DNAH14: variants seen among roughly 807,000 people sequenced by gnomAD.
The protein encoded by DNAH14 is dynein axonemal heavy chain 14, also known as axonemal beta dynein heavy chain 14.
Under a neutral mutation model 520.9 loss-of-function variants are expected in DNAH14, and 478 were observed. The observed-to-expected ratio is 0.92, with a 90% CI of 0.85 to 0.99. DNAH14 has a LOEUF of 0.99. Ranked by LOEUF, DNAH14 falls within the 50% of genes least tolerant of loss-of-function variation. DNAH14 has a pLI of 0.00. For missense variants in DNAH14, 4,831 were observed against 5,234.5 expected (o/e 0.92, Z 2.38); for synonymous variants, 1,581 against 1,757.2 (o/e 0.90, Z 2.51).
At chr1:225,374,169 A>ATATATATATATATATATATATG in intron 77 of DNAH14, among the ~76,000 whole-genome samples, 1 of 87,842 alleles carries the variant, frequency 1.1e-5, no homozygotes. Flanking sequence ...ATATATATAT[A>ATATATATATATATATATATATG]TATATATATA....
In DNAH14 at chr1:225,213,612, A is replaced by G. The variant is rs548723457; in HGVS notation, c.6439+6392A>G. Among the ~76,000 whole-genome samples the G allele has an allele frequency of 2.0e-5, 3 of 152,292 alleles. No homozygotes were observed. The East Asian group carries it at 5.8e-4, about 29-fold the overall frequency. On this transcript the variant is annotated intron_variant, in intron 41 of 85. Coordinates refer to ENST00000682510, the MANE Select transcript of DNAH14 (RefSeq NM_001367479.1). The stretch of plus-strand genomic sequence containing the variant: ...CAGTGGTTTCTAATTCTCCTTGAAG[A>G]GGTCCTTCACATCCCTTGTAAGTTG...
chr1:225,364,378 CT>C (rs1304851424), intron 75 of DNAH14, among the ~76,000 whole-genome samples: 1 of 152,150 alleles, frequency 6.6e-6, no homozygotes, highest in African/African-American at 2.4e-5. Flanking sequence ...ACAGGAAGAG[CT>C]TTTCTTTCTC....
chr1:225,267,292 CTTTTT>C (rs776025994), intron 49 of DNAH14, among the ~76,000 whole-genome samples: 1 of 131,370 alleles, frequency 7.6e-6, no homozygotes. Context: ...GAATGGCTTC[CTTTTT>C]TTTTTTTTTT....
intron 26 of DNAH14, among the ~76,000 whole-genome samples, chr1:225,121,169 T>C (rs888845685): frequency 2.6e-5 from 4 of 152,256 alleles, no homozygotes; most frequent in Admixed American, 1.3e-4. Flanking sequence ...ATGGCATACA[T>C]TGTGATGTTT....
rs766082594 is a variant in DNAH14 at position 225,347,106 on chromosome 1, G to C, written c.11296+452G>C. Among the ~76,000 whole-genome samples the C allele has an allele frequency of 6.4e-4, 97 of 152,280 alleles. No individual in the cohort carries two copies. In the Middle Eastern group the frequency reaches 0.01, roughly 16 times the overall value. Reference sequence around the variant, plus strand: ...TTTTAATATGTTTATTGTCTAAACTGTGGTCAAATACATATAACAGAATTT... The same window carrying C: ...TTTTAATATGTTTATTGTCTAAACTCTGGTCAAATACATATAACAGAATTT... On this transcript the variant is annotated intron_variant, in intron 71 of 85. Coordinates refer to ENST00000682510, the MANE Select transcript of DNAH14 (RefSeq NM_001367479.1).
chr1:224,943,188 A>G (rs1248542506), intron 1 of DNAH14, among the ~76,000 whole-genome samples: 1 of 152,166 alleles, frequency 6.6e-6, no homozygotes. Context: ...AGAATGTGTT[A>G]TTGGCCTATT....
chr1:224,981,148 G>A (rs1252944063), intron 8 of DNAH14, among the ~76,000 whole-genome samples: 2 of 152,146 alleles, frequency 1.3e-5, no homozygotes, highest in Non-Finnish European at 2.9e-5. Context: ...ACTTGATCAT[G>A]GTGGATTATC....
intron 60 of DNAH14, among the ~76,000 whole-genome samples, chr1:225,316,618 C>G (rs1305771684): frequency 6.6e-6 from 1 of 152,190 alleles, no homozygotes; most frequent in Non-Finnish European, 1.5e-5. Flanking sequence ...GTTCCCTGAC[C>G]CCTTGTGCTT....
At chr1:225,196,976 T>G (rs985749351) in intron 38 of DNAH14, among the ~76,000 whole-genome samples, 1 of 152,210 alleles carries the variant, frequency 6.6e-6, no homozygotes, top group Non-Finnish European at 1.5e-5. Flanking sequence ...ATTGTGAAGA[T>G]TTTCTCCCAC....
At chr1:225,336,102 T>C (rs1318543882) in intron 66 of DNAH14, among the ~76,000 whole-genome samples, 2 of 149,244 alleles carry the variant, frequency 1.3e-5, no homozygotes, top group Non-Finnish European at 3.0e-5. Context: ...CTTATACATA[T>C]ATGTATAAGA....
At position 225,377,257 on chromosome 1, in the gene DNAH14, A is replaced by G. The variant is rs1369628010; in HGVS notation, c.12537A>G (p.Gly4179=). 7.1e-7 allele frequency: 1 copy of G among 1,412,082 alleles called. No homozygotes were observed. Among genetic ancestry groups the G allele is most frequent in the Non-Finnish European group, 9.3e-7 (1 of 1,073,604 alleles). The allele number at this position is 1,412,082 out of a possible 1,614,324, so 87.5% of individuals were successfully genotyped here. The change falls in exon 79 of 86, where the codon GGA becomes GGG. Residue 4179 remains glycine (G), a synonymous_variant. Coordinates refer to ENST00000682510, the MANE Select transcript of DNAH14 (RefSeq NM_001367479.1). The part of the protein sequence containing the change: ...SSDGICLPVP[G]SASIKDYIHI... ...TTCAGATATGTCTGCCAGTTCCAGG[A>G]TCTGCAAGCATAAAGGACTACATAC...
intron 7 of DNAH14, among the ~76,000 whole-genome samples, chr1:224,971,322 T>G (rs949067023): frequency 6.6e-6 from 1 of 152,190 alleles, no homozygotes; most frequent in African/African-American, 2.4e-5. Context: ...AATTGTTTAT[T>G]TAATATGTAA....
chr1:225,349,309 T>C (rs977972366), intron 71 of DNAH14, among the ~76,000 whole-genome samples: 1 of 151,898 alleles, frequency 6.6e-6, no homozygotes, highest in Non-Finnish European at 1.5e-5. Flanking sequence ...CTATAGAATA[T>C]GCACAAAACA....
At chr1:225,023,155 T>C (rs1006906522) in intron 10 of DNAH14, among the ~76,000 whole-genome samples, 2 of 152,090 alleles carry the variant, frequency 1.3e-5, no homozygotes, top group Non-Finnish European at 2.9e-5. Context: ...TCACTACCCA[T>C]GTGATGGGAT....
intron 1 of DNAH14, among the ~76,000 whole-genome samples, chr1:224,931,667 C>T (rs1351449213): frequency 6.6e-6 from 1 of 152,120 alleles, no homozygotes; most frequent in Non-Finnish European, 1.5e-5. Context: ...AAATTTTATT[C>T]AAATTTTGTA....
At chr1:225,122,781 T>TA (rs547796113) in intron 26 of DNAH14, among the ~76,000 whole-genome samples, 3 of 151,964 alleles carry the variant, frequency 2.0e-5, no homozygotes, top group Non-Finnish European at 2.9e-5. Flanking sequence ...TCAGCAATGA[T>TA]AAAAAAACAA....
rs1311908553 is a variant in DNAH14 at position 225,266,775 on chromosome 1, G to A, written c.7539+6G>A. On this transcript the variant is annotated splice_donor_region_variant and intron_variant, in intron 49 of 85. Coordinates refer to ENST00000682510, the MANE Select transcript of DNAH14 (RefSeq NM_001367479.1). Reference sequence around the variant, plus strand: ...CTGAAAAAAATACATGGAAGGTACAGTATATACTAAGATTTTGTTCACATT... The same window carrying A: ...CTGAAAAAAATACATGGAAGGTACAATATATACTAAGATTTTGTTCACATT... 4 of 1,483,544 alleles carry A rather than the reference G, an allele frequency of 2.7e-6. No homozygotes were observed. Among genetic ancestry groups the A allele is most frequent in the South Asian group, 1.4e-5 (1 of 72,304 alleles). 91.9% of individuals were successfully genotyped at this position (1,483,544 alleles called of 1,614,324 possible). A position where few individuals can be genotyped will look rare whatever the true frequency, so the allele number is the denominator to read the frequency against.
intron 40 of DNAH14, 53 bp downstream of exon 40, chr1:225,206,232 G>T: frequency 7.1e-7 from 1 of 1,409,354 alleles, no homozygotes; most frequent in Non-Finnish European, 9.6e-7. Context: ...GTTTATGATA[G>T]TAACTATTTA....
chr1:225,210,323 G>A (rs967032665), intron 41 of DNAH14, among the ~76,000 whole-genome samples: 1 of 152,118 alleles, frequency 6.6e-6, no homozygotes, highest in African/African-American at 2.4e-5. Context: ...AGCTTGGTAT[G>A]GGGAAGGGCA....
Sources: allele counts gnomAD v4.1 joint callset (sites outside exome capture counted in the v4.1 genomes callset), GRCh38; gene constraint gnomAD v4.1.1; transcripts MANE v1.5; gene names NCBI Gene and HGNC (gene_info 2026-07-23, HGNC 2026-07-21).